The following PCSK2 variants were observed in gnomAD, a reference collection of about 807,000 sequenced individuals.
The protein encoded by PCSK2 is neuroendocrine convertase 2.
In PCSK2, 14 loss-of-function variants were observed where a neutral mutation model predicts 69.7. The ratio of observed to expected loss-of-function variants is 0.20; its 90% CI spans 0.13 to 0.31. The LOEUF is 0.31. PCSK2 is among the 10% of genes least tolerant of loss of function. The probability of loss-of-function intolerance (pLI) is 1.00; values close to 1 mark genes in which losing one functional copy is unlikely to be tolerated. For missense variants in PCSK2, 544 were observed against 842.5 expected (o/e 0.65, Z 4.39); for synonymous variants, 307 against 320.7 (o/e 0.96, Z 0.46).
intron 6 of PCSK2, among the ~76,000 whole-genome samples, chr20:17,412,114 C>T (rs187157473): frequency 1.3e-5 from 2 of 152,258 alleles, no homozygotes; most frequent in Admixed American, 6.5e-5. Context: ...AAAACGAGTG[C>T]CTCTTCTCCT....
intron 2 of PCSK2, among the ~76,000 whole-genome samples, chr20:17,335,880 G>GTGTGTT (rs904737951): frequency 2.6e-5 from 4 of 151,634 alleles, no homozygotes; most frequent in Non-Finnish European, 4.4e-5. Context: ...GTGTGTGTGT[G>GTGTGTT]TGTGTGTGTG....
chr20:17,381,913 A>G (rs953696873), intron 5 of PCSK2, among the ~76,000 whole-genome samples: 3 of 152,210 alleles, frequency 2.0e-5, no homozygotes, highest in African/African-American at 7.2e-5. Flanking sequence ...TGATACAGTC[A>G]GCACCTTGCA....
At chr20:17,417,356 A>G (rs17715573) in intron 6 of PCSK2, among the ~76,000 whole-genome samples, 11,318 of 152,264 alleles carry the variant, frequency 0.074, 518 homozygotes, top group Non-Finnish European at 0.11. Flanking sequence ...CAAGTGTCCA[A>G]TTACCCAAGA....
chr20:17,294,121 T>G (rs1252811972), intron 2 of PCSK2, among the ~76,000 whole-genome samples: 1 of 147,882 alleles, frequency 6.8e-6, no homozygotes. Flanking sequence ...TTTTTTTTTT[T>G]TGAGACGGAG....
intron 8 of PCSK2, among the ~76,000 whole-genome samples, chr20:17,442,783 C>T (rs745951619): frequency 6.6e-5 from 10 of 152,168 alleles, no homozygotes; most frequent in African/African-American, 2.4e-4. Context: ...AGCCCTTTTA[C>T]GCCCCCTTCA....
intron 2 of PCSK2, among the ~76,000 whole-genome samples, chr20:17,284,481 T>G (rs1361465140): frequency 2.0e-5 from 3 of 152,244 alleles, no homozygotes; most frequent in Non-Finnish European, 4.4e-5. Context: ...AGAGCAGACA[T>G]GCACAAGCTA....
At chr20:17,233,663 A>C (rs1986227752) in intron 1 of PCSK2, among the ~76,000 whole-genome samples, 1 of 152,144 alleles carries the variant, frequency 6.6e-6, no homozygotes, top group Non-Finnish European at 1.5e-5. Context: ...GGAAACTCAG[A>C]CATTTTATCT....
rs6034823 is a variant in PCSK2, at chr20:17,429,613, A to T, written c.709+90A>T. 43 of 825,694 alleles carry T rather than the reference A, an allele frequency of 5.2e-5. 1 individual carries two copies. In the African/African-American group the frequency reaches 6.1e-4, roughly 12 times the overall value. 51.1% of individuals were successfully genotyped at this position (825,694 alleles called of 1,614,324 possible). A position where few individuals can be genotyped will look rare whatever the true frequency, so the allele number is the denominator to read the frequency against. On this transcript the variant is annotated intron_variant, in intron 7 of 11. Transcript: ENST00000262545. ...GCCCAGCAAAAAATCCCACTGGTGCAGAAAAGCTAGGATCCACAGATTTGG... is the reference window on the plus strand; with the variant it reads ...GCCCAGCAAAAAATCCCACTGGTGCTGAAAAGCTAGGATCCACAGATTTGG...
rs752788983 is a variant in PCSK2 at position 17,227,457 on chromosome 20, C to T, written c.152C>T (p.Ala51Val). 18 of 1,613,858 alleles carry T rather than the reference C, an allele frequency of 1.1e-5. No homozygotes were observed. The South Asian group carries it at 2.0e-4, about 18-fold the overall frequency. Residue 51 changes from alanine (A) to valine (V), a missense_variant, in exon 1 of 12, where the codon GCA becomes GTA. Ala to Val is a moderately conservative substitution (Grantham distance 64). Around this residue, in one of 3 missense-constraint regions of PCSK2, gnomAD observed 157 missense variants for 155.0 expected, o/e 1.01. Transcript: ENST00000262545. ...GAGGACAAAGCTCGCCAAGTTGCAG[C>T]AGAACACGGCTTTGGAGTCCGAAAG... is the stretch of plus-strand genomic sequence containing the variant. The part of the protein sequence containing the change: ...GGEDKARQVA[A>V]EHGFGVRKLP...
intron 2 of PCSK2, among the ~76,000 whole-genome samples, chr20:17,351,647 G>A (rs1453080153): frequency 8.2e-5 from 12 of 145,512 alleles, no homozygotes; most frequent in Non-Finnish European, 6.0e-5. Flanking sequence ...AATCCATCAT[G>A]CCTTCAAGAA....
chr20:17,260,386 A>G, intron 2 of PCSK2, 42 bp downstream of exon 2: 1 of 1,368,096 alleles, frequency 7.3e-7, no homozygotes. Context: ...CTCTGCTGCC[A>G]TGGCTGAGCC....
At chr20:17,369,512 T>G (rs2030696331) in intron 5 of PCSK2, among the ~76,000 whole-genome samples, 1 of 152,068 alleles carries the variant, frequency 6.6e-6, no homozygotes, top group Admixed American at 6.5e-5. Flanking sequence ...GATGCACACG[T>G]ACTCATAGGC....
chr20:17,416,629 C>A (rs747061717), intron 6 of PCSK2, among the ~76,000 whole-genome samples: 2 of 151,884 alleles, frequency 1.3e-5, no homozygotes, highest in African/African-American at 2.4e-5. Context: ...CCTCAAGGAT[C>A]TAGAACTAGA....
At chr20:17,268,487 A>G (rs1381610723) in intron 2 of PCSK2, among the ~76,000 whole-genome samples, 2 of 152,148 alleles carry the variant, frequency 1.3e-5, no homozygotes, top group African/African-American at 4.8e-5. Context: ...GAAGGTATTC[A>G]TGTGGATATC....
chr20:17,423,805 G>A (rs1301183322), intron 6 of PCSK2, among the ~76,000 whole-genome samples: 1 of 152,134 alleles, frequency 6.6e-6, no homozygotes, highest in Non-Finnish European at 1.5e-5. Context: ...AATGGGCCAA[G>A]GTTATTAACA....
intron 6 of PCSK2, among the ~76,000 whole-genome samples, chr20:17,418,996 C>T (rs1277010313): frequency 6.6e-6 from 1 of 152,206 alleles, no homozygotes; most frequent in Non-Finnish European, 1.5e-5. Context: ...ATTCTCACTG[C>T]TGTGAAAATA....
chr20:17,430,195 C>G (rs2123338835), intron 7 of PCSK2, among the ~76,000 whole-genome samples: 1 of 152,026 alleles, frequency 6.6e-6, no homozygotes, highest in East Asian at 1.9e-4. Flanking sequence ...ATTTAGAACC[C>G]AATATCCCTC....
chr20:17,234,910 G>T (rs1019425629), intron 1 of PCSK2, among the ~76,000 whole-genome samples: 4 of 152,082 alleles, frequency 2.6e-5, no homozygotes, highest in Non-Finnish European at 2.9e-5. Context: ...TGCTGAATTT[G>T]TGAATTATTA....
chr20:17,408,301 T>C (rs1011660449), intron 5 of PCSK2, among the ~76,000 whole-genome samples: 7 of 151,628 alleles, frequency 4.6e-5, no homozygotes, highest in African/African-American at 1.7e-4. Context: ...GAGAAGGGAA[T>C]GGGGAAGGAA....
Sources: allele counts gnomAD v4.1 joint callset (sites outside exome capture counted in the v4.1 genomes callset), GRCh38; gene constraint gnomAD v4.1.1; regional missense constraint gnomAD v4.1.1; transcripts MANE v1.5; gene names NCBI Gene and HGNC (gene_info 2026-07-23, HGNC 2026-07-21).